The following DCC variants were observed in gnomAD, a reference collection of about 807,000 sequenced individuals.
DCC encodes DCC netrin 1 receptor.
Under a neutral mutation model 172.5 loss-of-function variants are expected in DCC, and 58 were observed. That is an observed-to-expected ratio of 0.34 (90% CI 0.27 to 0.42). The LOEUF (loss-of-function observed/expected upper bound fraction) is 0.42, where lower values mean the gene tolerates loss of function less well. Ranked by LOEUF, DCC falls within the 10% of genes least tolerant of loss-of-function variation. DCC has a pLI of 1.00. For synonymous variants in DCC, 709 were observed against 644.5 expected (o/e 1.10, Z -1.52); for missense variants, 1,740 against 1,791.0 (o/e 0.97, Z 0.51).
At chr18:53,177,761 G>A (rs909845401) in intron 8 of DCC, among the ~76,000 whole-genome samples, 10 of 152,100 alleles carry the variant, frequency 6.6e-5, no homozygotes, top group African/African-American at 1.9e-4. Flanking sequence ...TCAGTCACAA[G>A]GCCTCAACTA....
chr18:52,691,127 G>A (rs1294337102), intron 1 of DCC, among the ~76,000 whole-genome samples: 1 of 152,164 alleles, frequency 6.6e-6, no homozygotes, highest in Non-Finnish European at 1.5e-5. Context: ...TTTGAGGGAA[G>A]CTCTATTGTA....
chr18:53,209,473 T>G (rs537485891), intron 11 of DCC, among the ~76,000 whole-genome samples: 18 of 152,316 alleles, frequency 1.2e-4, no homozygotes, highest in African/African-American at 4.1e-4. Context: ...CTTTAGCTTG[T>G]GATTTCTTGA....
chr18:52,807,563 T>C (rs2038111932), intron 2 of DCC, among the ~76,000 whole-genome samples: 2 of 152,214 alleles, frequency 1.3e-5, no homozygotes, highest in South Asian at 4.1e-4. Context: ...AAAAAGAGGA[T>C]GCTGGAGGCT....
At chr18:52,981,168 T>C (rs2041203164) in intron 5 of DCC, among the ~76,000 whole-genome samples, 1 of 152,132 alleles carries the variant, frequency 6.6e-6, no homozygotes, top group African/African-American at 2.4e-5. Context: ...AATTTATCTT[T>C]ATATGGTCAA....
chr18:52,942,576 A>G (rs1034093293), intron 5 of DCC, among the ~76,000 whole-genome samples: 1 of 152,198 alleles, frequency 6.6e-6, no homozygotes, highest in African/African-American at 2.4e-5. Flanking sequence ...TGGTGGGGCA[A>G]AAGGCACTTC....
intron 12 of DCC, among the ~76,000 whole-genome samples, chr18:53,243,209 T>C (rs1358312804): frequency 6.6e-6 from 1 of 151,938 alleles, no homozygotes; most frequent in African/African-American, 2.4e-5. Context: ...TCATTAGGAG[T>C]GTGAAGACAA....
At chr18:52,861,011 C>CAAA (rs74178687) in intron 2 of DCC, among the ~76,000 whole-genome samples, 307 of 120,628 alleles carry the variant, frequency 2.5e-3, no homozygotes, top group Middle Eastern at 4.5e-3. Context: ...GAATCCATTT[C>CAAA]AAAAAAAAAA....
At chr18:53,247,905 G>A (rs536378213) in intron 12 of DCC, among the ~76,000 whole-genome samples, 29 of 151,988 alleles carry the variant, frequency 1.9e-4, no homozygotes, top group African/African-American at 5.3e-4. Flanking sequence ...TTTAATATCC[G>A]TGTGGACATC....
rs771572900 is a variant in DCC at position 53,526,758 on chromosome 18, A to G, written c.4253A>G (p.Asn1418Ser). 5.6e-6 allele frequency: 9 copies of G among 1,613,324 alleles called. No individual in the cohort carries two copies. The highest frequency in any genetic ancestry group is 2.2e-5 in the East Asian group (1 of 44,840). ...CACAAACCAACAGAGGATTCAGCCA[A>G]TGTAAGGGCATCTTTAAAATTCATG... Reference protein sequence around the residue: ...ESHKPTEDSANVYEQDDLSEQ... With the variant: ...ESHKPTEDSASVYEQDDLSEQ... Residue 1418 changes from asparagine to serine, a missense_variant and splice_region_variant, in exon 28 of 29, where the codon AAT becomes AGT. Asn to Ser is a conservative substitution (Grantham distance 46). Transcript: ENST00000442544.
intron 14 of DCC, among the ~76,000 whole-genome samples, chr18:53,338,460 A>C (rs901141890): frequency 6.6e-6 from 1 of 152,066 alleles, no homozygotes; most frequent in African/African-American, 2.4e-5. Context: ...AAATTAGCCA[A>C]ATGTGGTGGC....
At chr18:53,201,454 G>A (rs550320892) in intron 9 of DCC, among the ~76,000 whole-genome samples, 1 of 152,156 alleles carries the variant, frequency 6.6e-6, no homozygotes. Flanking sequence ...AGGTCATTCA[G>A]TCTCAATGTT....
chr18:52,779,351 G>A (rs763342199), intron 2 of DCC, among the ~76,000 whole-genome samples: 4 of 152,034 alleles, frequency 2.6e-5, no homozygotes, highest in Non-Finnish European at 4.4e-5. Flanking sequence ...TCCCCTCCCT[G>A]TGTCCATGTG....
At chr18:53,143,883 G>A (rs2043867369) in intron 7 of DCC, among the ~76,000 whole-genome samples, 1 of 152,274 alleles carries the variant, frequency 6.6e-6, no homozygotes. Flanking sequence ...CCCATTTGAA[G>A]CTTAACAAAT....
chr18:53,136,919 G>T (rs1286557626), intron 7 of DCC, among the ~76,000 whole-genome samples: 1 of 152,100 alleles, frequency 6.6e-6, no homozygotes, highest in African/African-American at 2.4e-5. Context: ...TATACTCTTG[G>T]AATGGAAGTG....
chr18:52,368,632 A>G (rs1224794514), intron 1 of DCC, among the ~76,000 whole-genome samples: 1 of 152,056 alleles, frequency 6.6e-6, no homozygotes, highest in East Asian at 1.9e-4. Flanking sequence ...ACTTTTTCCC[A>G]CTGTTTTGGA....
At chr18:52,702,854 C>T (rs2036147888) in intron 1 of DCC, among the ~76,000 whole-genome samples, 1 of 152,062 alleles carries the variant, frequency 6.6e-6, no homozygotes, top group African/African-American at 2.4e-5. Context: ...CTTCATCTTC[C>T]CTGGGCCTCC....
At chr18:52,586,694 C>T (rs749044737) in intron 1 of DCC, among the ~76,000 whole-genome samples, 9 of 152,130 alleles carry the variant, frequency 5.9e-5, no homozygotes, top group East Asian at 1.9e-4. Flanking sequence ...CTTGATTCCT[C>T]GACCCTGAAT....
At chr18:52,815,411 T>TACACACACAC (rs34924244) in intron 2 of DCC, among the ~76,000 whole-genome samples, 341 of 150,112 alleles carry the variant, frequency 2.3e-3, no homozygotes, top group African/African-American at 6.3e-3. Context: ...TTCTCACACG[T>TACACACACAC]ACACACACAC....
intron 19 of DCC, among the ~76,000 whole-genome samples, chr18:53,404,597 G>C (rs1381833083): frequency 6.6e-6 from 1 of 151,942 alleles, no homozygotes; most frequent in East Asian, 1.9e-4. Flanking sequence ...CGGGCGTGGT[G>C]GTGGGCACCT....
Sources: gnomAD v4.1 joint callset for allele counts (sites outside exome capture counted in the v4.1 genomes callset) on GRCh38, gnomAD v4.1.1 for gene constraint, MANE v1.5 for transcripts, NCBI Gene and HGNC (gene_info 2026-07-23, HGNC 2026-07-21) for gene names.